Variants in CTNNA2 observed in about 807,000 individuals in gnomAD.
CTNNA2 encodes catenin alpha-2.
In CTNNA2, 42 loss-of-function variants were observed where a neutral mutation model predicts 101.0. The observed-to-expected ratio is 0.42, with a 90% confidence interval of 0.32 to 0.54. The LOEUF is 0.54. CTNNA2 is among the 20% of genes least tolerant of loss of function. The pLI, the probability that CTNNA2 is intolerant of heterozygous loss-of-function variation, is 0.14. For missense variants in CTNNA2, 871 were observed against 1,223.1 expected (o/e 0.71, Z 4.29); for synonymous variants, 450 against 456.4 (o/e 0.99, Z 0.18).
At chr2:80,224,656 G>C (rs1708768718) in intron 7 of CTNNA2, among the ~76,000 whole-genome samples, 1 of 151,962 alleles carries the variant, frequency 6.6e-6, no homozygotes, top group Non-Finnish European at 1.5e-5. Flanking sequence ...ATGTTAGCCA[G>C]GATGGTCTCA....
chr2:79,825,257 G>A (rs967889819), intron 3 of CTNNA2, among the ~76,000 whole-genome samples: 2 of 152,142 alleles, frequency 1.3e-5, no homozygotes, highest in African/African-American at 4.8e-5. Flanking sequence ...TGCAGTGGAA[G>A]GAGGCAGTCA....
intron 11 of CTNNA2, among the ~76,000 whole-genome samples, chr2:80,554,167 C>A (rs1692822478): frequency 6.6e-6 from 1 of 152,034 alleles, no homozygotes; most frequent in Admixed American, 6.5e-5. Flanking sequence ...TATAAATTTT[C>A]TTTCTAAGTG....
intron 3 of CTNNA2, among the ~76,000 whole-genome samples, chr2:79,766,444 CT>C (rs1379547937): frequency 6.6e-6 from 1 of 152,108 alleles, no homozygotes; most frequent in African/African-American, 2.4e-5. Flanking sequence ...TATTTTTCTG[CT>C]TTTAGTATCC....
At chr2:79,604,590 T>C (rs1677765521) in intron 1 of CTNNA2, among the ~76,000 whole-genome samples, 1 of 152,166 alleles carries the variant, frequency 6.6e-6, no homozygotes, top group South Asian at 2.1e-4. Flanking sequence ...AAGTCCTCCT[T>C]TTGTAATCAG....
intron 4 of CTNNA2, among the ~76,000 whole-genome samples, chr2:79,484,275 T>A (rs1240784661): frequency 2.0e-5 from 3 of 151,988 alleles, no homozygotes. Context: ...TAAATGTTAA[T>A]TAATTAATTA....
At chr2:80,473,506 G>T (rs1685478619) in intron 9 of CTNNA2, among the ~76,000 whole-genome samples, 2 of 152,202 alleles carry the variant, frequency 1.3e-5, no homozygotes, top group Non-Finnish European at 2.9e-5. Context: ...TCTGTAATAT[G>T]TTTTATAAAA....
chr2:80,551,573 A>T (rs1171649608), intron 11 of CTNNA2, among the ~76,000 whole-genome samples: 1 of 152,178 alleles, frequency 6.6e-6, no homozygotes, highest in Non-Finnish European at 1.5e-5. Flanking sequence ...TGTTATGGAG[A>T]TGACTTCTTT....
Position 80,302,606 on chromosome 2 carries a change from G to A in CTNNA2, c.1057-90605G>A, listed in dbSNP as rs1277707517. ...AAGAGCCACGGTGGCAGGCTCGAAT[G>A]TGCCGTCGTGCTGCCCCTCCCCGCC... On this transcript the variant is annotated intron_variant, in intron 7 of 18. Coordinates refer to ENST00000402739, the MANE Select transcript of CTNNA2 (RefSeq NM_001282597.3). The surrounding 1 kb of genome is among the most constrained non-coding windows in gnomAD (Gnocchi z 6.4). The A allele has an allele frequency of 6.2e-7, 1 of 1,605,876 alleles. No individual in the cohort carries two copies. The highest frequency in any genetic ancestry group is 1.3e-5 in the African/African-American group (1 of 75,022).
At chr2:79,581,601 T>C (rs1676152693) in intron 1 of CTNNA2, among the ~76,000 whole-genome samples, 1 of 152,132 alleles carries the variant, frequency 6.6e-6, no homozygotes, top group Non-Finnish European at 1.5e-5. Flanking sequence ...TTTCACCTAA[T>C]AGTGATTAGC....
At chr2:80,476,202 A>G (rs1019089827) in intron 9 of CTNNA2, among the ~76,000 whole-genome samples, 2 of 152,078 alleles carry the variant, frequency 1.3e-5, no homozygotes, top group African/African-American at 4.8e-5. Context: ...GGCAAAACAA[A>G]TGTGTAGAGA....
chr2:80,618,481 C>T lies in CTNNA2; in HGVS notation c.2431-604C>T, dbSNP rs577615088. On this transcript the variant is annotated intron_variant, in intron 17 of 18. Coordinates refer to ENST00000402739, the MANE Select transcript of CTNNA2 (RefSeq NM_001282597.3). ...TTATTGGCTTATCCTTTAAATTATG[C>T]CCCTCACACAATCCACCCTTGGGTT... Among the ~76,000 whole-genome samples, 225 of 151,996 alleles carry T rather than the reference C, an allele frequency of 1.5e-3. 1 individual carries two copies. Among genetic ancestry groups the T allele is most frequent in the Non-Finnish European group, 2.7e-3 (184 of 67,882 alleles).
chr2:79,328,986 G>A (rs529830313), intron 3 of CTNNA2, among the ~76,000 whole-genome samples: 1 of 152,148 alleles, frequency 6.6e-6, no homozygotes, highest in African/African-American at 2.4e-5. Flanking sequence ...GTTCCCTCTG[G>A]GTGTCTGTGT....
At chr2:80,434,485 C>CTTTTTTT (rs1169944635) in intron 9 of CTNNA2, among the ~76,000 whole-genome samples, 13 of 89,984 alleles carry the variant, frequency 1.4e-4, no homozygotes, top group East Asian at 4.4e-4. Flanking sequence ...TTCTGTGTCT[C>CTTTTTTT]TTTTTTTTTT....
At chr2:80,274,457 A>G (rs1460129832) in intron 7 of CTNNA2, among the ~76,000 whole-genome samples, 2 of 152,210 alleles carry the variant, frequency 1.3e-5, no homozygotes, top group Admixed American at 6.5e-5. Context: ...TCATATACAC[A>G]GTGTATTATG....
chr2:80,600,702 A>G (rs1322548489), intron 15 of CTNNA2, among the ~76,000 whole-genome samples: 5 of 152,190 alleles, frequency 3.3e-5, no homozygotes, highest in Non-Finnish European at 7.3e-5. Context: ...GAACATATCT[A>G]CAGAAAAATA....
chr2:80,603,379 A>T (rs1363092837), intron 15 of CTNNA2, among the ~76,000 whole-genome samples: 11 of 152,098 alleles, frequency 7.2e-5, no homozygotes, highest in Non-Finnish European at 1.6e-4. Flanking sequence ...GTTTGGAAGC[A>T]CAAAAACATT....
chr2:79,604,791 C>T (rs1247626592), intron 1 of CTNNA2, among the ~76,000 whole-genome samples: 2 of 152,160 alleles, frequency 1.3e-5, no homozygotes, highest in Admixed American at 1.3e-4. Flanking sequence ...TACCTTAGTA[C>T]TGGGAAATGA....
At chr2:79,520,804 A>G (rs1160726075) in intron 1 of CTNNA2, among the ~76,000 whole-genome samples, 1 of 152,078 alleles carries the variant, frequency 6.6e-6, no homozygotes, top group African/African-American at 2.4e-5. Flanking sequence ...TAAAATGACT[A>G]AGTTGTAAAG....
chr2:80,525,830 T>C (rs1221918297), intron 9 of CTNNA2, among the ~76,000 whole-genome samples: 1 of 152,158 alleles, frequency 6.6e-6, no homozygotes, highest in Non-Finnish European at 1.5e-5. Context: ...CAGGATTGCA[T>C]AAGGTGCAAT....
Sources: gnomAD v4.1 joint callset for allele counts (sites outside exome capture counted in the v4.1 genomes callset) on GRCh38, gnomAD v4.1.1 for gene constraint, Gnocchi (gnomAD v3.1) non-coding constraint, MANE v1.5 for transcripts, NCBI Gene and HGNC (gene_info 2026-07-23, HGNC 2026-07-21) for gene names.